Variants in RAB3GAP2 observed in about 807,000 individuals in gnomAD.
RAB3GAP2 encodes the protein rab3 GTPase-activating protein non-catalytic subunit.
Under a neutral mutation model 185.3 loss-of-function variants are expected in RAB3GAP2, and 87 were observed. That is an observed-to-expected ratio of 0.47 (90% CI 0.39 to 0.56). The LOEUF is 0.56. RAB3GAP2 is among the 20% of genes least tolerant of loss of function. The probability of loss-of-function intolerance (pLI) is 0.00; values close to 1 mark genes in which losing one functional copy is unlikely to be tolerated. For missense variants in RAB3GAP2, 1,492 were observed against 1,638.2 expected (o/e 0.91, Z 1.54); for synonymous variants, 554 against 576.1 (o/e 0.96, Z 0.55).
chr1:220,206,002 T>G lies in RAB3GAP2; in HGVS notation c.617A>C (p.Glu206Ala), dbSNP rs1558155222. 1 of 1,581,618 alleles carries G rather than the reference T, an allele frequency of 6.3e-7. No individual in the cohort carries two copies. Among genetic ancestry groups the G allele is most frequent in the South Asian group, 1.1e-5 (1 of 88,002 alleles). ...AGCTGGATATAAGATACTCAACTCT[T>G]CATTCTATTTAAGAAATAAAAAAAA... ...PRHPGVTEQN[E>A]ELSILYPAAI... Residue 206 changes from glutamate to alanine, a missense_variant, in exon 8 of 35, where the codon GAA becomes GCA. Coordinates refer to ENST00000358951, the MANE Select transcript of RAB3GAP2 (RefSeq NM_012414.4).
Position 220,195,065 on chromosome 1 carries a change from A to T in RAB3GAP2, c.1130+13T>A. 1 of 1,613,002 alleles carries T rather than the reference A, an allele frequency of 6.2e-7. No homozygotes were observed. Among genetic ancestry groups the T allele is most frequent in the Non-Finnish European group, 8.5e-7 (1 of 1,178,928 alleles). ...CTAAAAGGACTAAAATTTGGGAAGC[A>T]TGACAGACTTGCCTTACAGCTAATG... is the stretch of plus-strand genomic sequence containing the variant. On this transcript the variant is annotated intron_variant, in intron 12 of 34. Transcript: ENST00000358951.
Position 220,213,845 on chromosome 1 carries a change from A to G in RAB3GAP2, c.304+11T>C. The G allele has an allele frequency of 1.9e-6, 3 of 1,611,138 alleles. No homozygotes were observed. The highest frequency in any genetic ancestry group is 1.7e-6 in the Non-Finnish European group (2 of 1,177,502). On this transcript the variant is annotated intron_variant, in intron 3 of 34. Transcript: ENST00000358951. The stretch of plus-strand genomic sequence containing the variant: ...CAAAATAAAGGTCGCTGAAAATAAT[A>G]GGATACTCACGCACTAGAAATACAG...
intron 1 of RAB3GAP2, chr1:220,253,784 A>C: frequency 1.2e-6 from 2 of 1,611,918 alleles, no homozygotes; most frequent in East Asian, 4.5e-5. Flanking sequence ...AATTTGCAGA[A>C]ACAGCGAGAA....
chr1:220,209,376 C>T (rs912875689), intron 7 of RAB3GAP2, among the ~76,000 whole-genome samples: 20 of 152,220 alleles, frequency 1.3e-4, no homozygotes, highest in African/African-American at 4.6e-4. Flanking sequence ...CAAATCTTCT[C>T]CTGATTACCT....
rs141024541 is a variant in RAB3GAP2, at chr1:220,194,077, T to A, written c.1131-698A>T. On this transcript the variant is annotated intron_variant, in intron 12 of 34. Coordinates refer to ENST00000358951, the MANE Select transcript of RAB3GAP2 (RefSeq NM_012414.4). Reference sequence around the variant, plus strand: ...AAAAGATGAAAAAAAACTTAGAAGCTATACTTCGATAAATTTTAATAATTA... The same window carrying A: ...AAAAGATGAAAAAAAACTTAGAAGCAATACTTCGATAAATTTTAATAATTA... 3.1e-3 allele frequency among the ~76,000 whole-genome samples: 470 copies of A among 152,226 alleles called. 1 individual carries two copies. The highest frequency in any genetic ancestry group is 0.011 in the African/African-American group (438 of 41,548).
intron 1 of RAB3GAP2, among the ~76,000 whole-genome samples, chr1:220,250,915 A>T (rs147251097): frequency 4.4e-4 from 67 of 152,338 alleles, no homozygotes; most frequent in African/African-American, 1.5e-3. Flanking sequence ...CTGAAGAGTG[A>T]GTCAATTAAA....
At chr1:220,190,215 C>T (rs1658589387) in intron 15 of RAB3GAP2, 69 bp from the exon 16 acceptor site, 11 of 1,524,230 alleles carry the variant, frequency 7.2e-6, no homozygotes, top group Non-Finnish European at 3.6e-6. Flanking sequence ...TGACACACTC[C>T]AACTTTTTTT....
intron 7 of RAB3GAP2, 100 bp downstream of exon 7, chr1:220,210,288 C>T (rs1659055096): frequency 1.1e-6 from 1 of 886,778 alleles, no homozygotes; most frequent in South Asian, 1.3e-5. Flanking sequence ...AACTGTGCCA[C>T]AAGACAAAGA....
chr1:220,257,808 T>A (rs1407837818), intron 1 of RAB3GAP2, among the ~76,000 whole-genome samples: 5 of 151,410 alleles, frequency 3.3e-5, no homozygotes. Context: ...TTTAAAAAAA[T>A]TAATAAAATA....
chr1:220,258,267 G>T (rs1660067241), intron 1 of RAB3GAP2, among the ~76,000 whole-genome samples: 1 of 151,900 alleles, frequency 6.6e-6, no homozygotes, highest in Non-Finnish European at 1.5e-5. Context: ...CCAAAACCCG[G>T]CAGAGATACA....
intron 19 of RAB3GAP2, 87 bp from the exon 20 acceptor site, chr1:220,183,018 C>G: frequency 8.7e-7 from 1 of 1,147,392 alleles, no homozygotes; most frequent in Non-Finnish European, 1.3e-6. Flanking sequence ...AAGCAAAAGT[C>G]GACTTTTTAA....
intron 1 of RAB3GAP2, among the ~76,000 whole-genome samples, chr1:220,246,831 TAGTG>T (rs1473868800): frequency 2.1e-5 from 3 of 142,342 alleles, no homozygotes; most frequent in African/African-American, 7.8e-5. Context: ...GATGACGAGT[TAGTG>T]GGTGCAGCGC....
intron 8 of RAB3GAP2, 38 bp from the exon 9 acceptor site, chr1:220,202,412 G>A: frequency 6.3e-7 from 1 of 1,583,602 alleles, no homozygotes; most frequent in Non-Finnish European, 8.7e-7. Flanking sequence ...AACTTATTAT[G>A]GATAAAATGA....
At chr1:220,214,810 C>G (rs139956084) in intron 2 of RAB3GAP2, among the ~76,000 whole-genome samples, 1 of 151,256 alleles carries the variant, frequency 6.6e-6, no homozygotes, top group East Asian at 1.9e-4. Context: ...TTTGAAAAAT[C>G]TCTTATACTC....
intron 7 of RAB3GAP2, among the ~76,000 whole-genome samples, chr1:220,209,700 T>C (rs909024345): frequency 6.6e-6 from 1 of 152,000 alleles, no homozygotes; most frequent in Non-Finnish European, 1.5e-5. Context: ...ATGCATACAG[T>C]ATATACATCT....
intron 1 of RAB3GAP2, among the ~76,000 whole-genome samples, chr1:220,248,867 T>C (rs564217132): frequency 5.5e-4 from 84 of 152,336 alleles, no homozygotes; most frequent in African/African-American, 2.0e-3. Context: ...TCCCCCACTT[T>C]GCTCTCACTC....
Position 220,193,223 on chromosome 1 carries a change from AT to A in RAB3GAP2, c.1270+16del, listed in dbSNP as rs1419037904. On this transcript the variant is annotated intron_variant, in intron 13 of 34. Coordinates refer to ENST00000358951, the MANE Select transcript of RAB3GAP2 (RefSeq NM_012414.4). Reference sequence around the variant, plus strand: ...AAAAGTGAATTAATTGTTTTTCTGGATTTTTGTAAGAAGTACCTTTCCACAT... The same window carrying A: ...AAAAGTGAATTAATTGTTTTTCTGGATTTTGTAAGAAGTACCTTTCCACAT... 1.2e-6 allele frequency: 2 copies of A among 1,613,616 alleles called. No individual in the cohort carries two copies. Among genetic ancestry groups the A allele is most frequent in the Admixed American group, 3.3e-5 (2 of 60,000 alleles).
At chr1:220,190,959 A>C in intron 14 of RAB3GAP2, 109 bp downstream of exon 14, 2 of 1,061,902 alleles carry the variant, frequency 1.9e-6, no homozygotes, top group South Asian at 1.3e-5. Context: ...AGAATATTGT[A>C]ATTCTCAAAC....
intron 1 of RAB3GAP2, among the ~76,000 whole-genome samples, chr1:220,245,922 C>T (rs530421760): frequency 3.9e-4 from 59 of 152,276 alleles, no homozygotes; most frequent in South Asian, 8.3e-4. Context: ...ACACCTCACA[C>T]GGCAGGGTAT....
Sources: allele counts gnomAD v4.1 joint callset (sites outside exome capture counted in the v4.1 genomes callset), GRCh38; gene constraint gnomAD v4.1.1; transcripts MANE v1.5; gene names NCBI Gene and HGNC (gene_info 2026-07-23, HGNC 2026-07-21).